The following FES variants were observed in gnomAD, a reference collection of about 807,000 sequenced individuals.
FES encodes FES proto-oncogene, tyrosine kinase.
A neutral mutation model predicts 109.6 loss-of-function variants in FES; 83 were observed. The observed-to-expected ratio is 0.76, with a 90% CI of 0.63 to 0.91. The LOEUF (loss-of-function observed/expected upper bound fraction) is 0.91. Ranked by LOEUF, FES falls within the 40% of genes least tolerant of loss-of-function variation. The pLI is 0.00. For missense variants in FES, 943 were observed against 1,070.9 expected (o/e 0.88, Z 1.67); for synonymous variants, 458 against 442.1 (o/e 1.04, Z -0.45).
At position 90,889,137 on chromosome 15, in the gene FES, A is replaced by G. The variant is rs1411482629; in HGVS notation, c.669-169A>G. On this transcript the variant is annotated intron_variant, in intron 5 of 18. Coordinates refer to ENST00000328850, the MANE Select transcript of FES (RefSeq NM_002005.4). The surrounding 1 kb of genome is among the most constrained non-coding windows in gnomAD (Gnocchi z 6.1). ...GTGTCCCTCTTATATATATCAGGAA[A>G]TAGAAGATTAGGGAGAGGTTAAATA... 4 of 780,988 alleles carry G rather than the reference A, an allele frequency of 5.1e-6. No individual in the cohort carries two copies. In the East Asian group the frequency reaches 8.0e-5, roughly 16 times the overall value. The allele number at this position is 780,988 out of a possible 1,614,324, so 48.4% of individuals were successfully genotyped here. A position where few individuals can be genotyped will look rare whatever the true frequency, so the allele number is the denominator to read the frequency against.
intron 18 of FES, 58 bp downstream of exon 18, chr15:90,894,116 C>T (rs1177994796): frequency 1.0e-5 from 16 of 1,594,620 alleles, no homozygotes; most frequent in East Asian, 6.7e-5. Context: ...ATGCTCCAGC[C>T]GGACTCTTCT....
chr15:90,890,352 T>G (rs898167551), intron 9 of FES, 49 bp from the exon 10 acceptor site: 1 of 1,594,252 alleles, frequency 6.3e-7, no homozygotes, highest in Non-Finnish European at 8.5e-7. Flanking sequence ...ATTTTCGCCC[T>G]CCCCCTCCCT....
intron 10 of FES, 125 bp downstream of exon 10, chr15:90,890,609 A>C: frequency 1.1e-6 from 1 of 893,974 alleles, no homozygotes; most frequent in South Asian, 1.6e-5. Flanking sequence ...CTGGGATTCC[A>C]GGCTGCAGAT....
At position 90,895,551 on chromosome 15, in the gene FES, A is replaced by C. The variant is rs1439306066; in HGVS notation, c.2462A>C (p.His821Pro). ...YQELQSIRKRHR is the reference protein window; with the variant it reads ...YQELQSIRKRPR The stretch of plus-strand genomic sequence containing the variant: ...GAGCTGCAGAGCATCCGAAAGCGGC[A>C]TCGGTGAGGCTGGGACCCCCTTCTC... Residue 821 changes from histidine to proline, a missense_variant, in exon 19 of 19, where the codon CAT becomes CCT. Coordinates refer to ENST00000328850, the MANE Select transcript of FES (RefSeq NM_002005.4). 3 of 1,580,280 alleles carry C rather than the reference A, an allele frequency of 1.9e-6. No homozygotes were observed. Among genetic ancestry groups the C allele is most frequent in the Non-Finnish European group, 2.6e-6 (3 of 1,161,630 alleles).
Position 90,895,585 on chromosome 15 carries a change from G to T in FES, c.*27G>T. The T allele has an allele frequency of 1.3e-6, 2 of 1,516,496 alleles. No homozygotes were observed. The highest frequency in any genetic ancestry group is 1.8e-6 in the Non-Finnish European group (2 of 1,127,060). 93.9% of individuals were successfully genotyped at this position (1,516,496 alleles called of 1,614,324 possible). ...GCTGGGACCCCCTTCTCAAGCTGGTGGCCTCTGCAGGCCTAGGTGCAGCTC... is the reference window on the plus strand; with the variant it reads ...GCTGGGACCCCCTTCTCAAGCTGGTTGCCTCTGCAGGCCTAGGTGCAGCTC... On this transcript the variant is annotated 3_prime_UTR_variant, in exon 19 of 19. Transcript: ENST00000328850.
Position 90,885,277 on chromosome 15 carries a change from C to G in FES, c.213+19C>G, listed in dbSNP as rs758758802. 5.7e-6 allele frequency: 9 copies of G among 1,592,628 alleles called. No individual in the cohort carries two copies. The South Asian group carries it at 7.7e-5, about 14-fold the overall frequency. ...CAGTCAGGTGGGTCTCTATGGGACT[C>G]TGGTGGGTGCTGGCTGTATCTGCCT... is the stretch of plus-strand genomic sequence containing the variant. On this transcript the variant is annotated intron_variant, in intron 2 of 18. Transcript: ENST00000328850.
chr15:90,884,924 C>A, intron 1 of FES, 113 bp from the exon 2 acceptor site: 1 of 869,802 alleles, frequency 1.1e-6, no homozygotes, highest in Non-Finnish European at 1.8e-6. Context: ...CAGGACCCCA[C>A]CTCCTCCCCG....
Position 90,893,203 on chromosome 15 carries a change from G to A in FES, c.1921+9G>A, listed in dbSNP as rs373772282. 3.1e-5 allele frequency: 50 copies of A among 1,613,616 alleles called. No homozygotes were observed. The highest frequency in any genetic ancestry group is 1.2e-4 in the Admixed American group (7 of 59,986). Reference sequence around the variant, plus strand: ...CATGGAGCTTGTGCAGGGTGAGCGCGGGGCGCTGAGCTCCAGGTAGGGCGC... The same window carrying A: ...CATGGAGCTTGTGCAGGGTGAGCGCAGGGCGCTGAGCTCCAGGTAGGGCGC... On this transcript the variant is annotated intron_variant, in intron 15 of 18. Coordinates refer to ENST00000328850, the MANE Select transcript of FES (RefSeq NM_002005.4).
In FES at chr15:90,893,315, G is replaced by A. The variant is rs779752765; in HGVS notation, c.1946G>A (p.Arg649His). 23 of 1,570,346 alleles carry A rather than the reference G, an allele frequency of 1.5e-5. No homozygotes were observed. Among genetic ancestry groups the A allele is most frequent in the South Asian group, 7.3e-5 (6 of 81,978 alleles). Reference sequence around the variant, plus strand: ...GGGGGCGACTTCCTGACCTTCCTCCGCACGGAGGGGGCCCGCCTGCGGGTG... The same window carrying A: ...GGGGGCGACTTCCTGACCTTCCTCCACACGGAGGGGGCCCGCCTGCGGGTG... Reference protein sequence around the residue: ...VQGGDFLTFLRTEGARLRVKT... With the variant: ...VQGGDFLTFLHTEGARLRVKT... The change falls in exon 16 of 19, where the codon CGC becomes CAC. Residue 649 changes from arginine (R) to histidine (H), a missense_variant. Physicochemically the swap from Arg to His is conservative, Grantham distance 29 (BLOSUM62 0). Transcript: ENST00000328850.
Position 90,892,110 on chromosome 15 carries a change from G to T in FES, c.1706G>T (p.Arg569Leu), listed in dbSNP as rs759984840. ...CTGGTGTTGGGTGAGCAGATTGGAC[G>T]GGTGAGTGCGCCTCTGCTGGCCTCC... ...EDLVLGEQIG[R>L]GNFGEVFSGR... Residue 569 changes from arginine (R) to leucine (L), a missense_variant and splice_region_variant, in exon 13 of 19, where the codon CGG (arginine) becomes CTG (leucine). Physicochemically the swap from Arg to Leu is moderately radical, Grantham distance 102 (BLOSUM62 -2). Transcript: ENST00000328850. 3 of 1,614,026 alleles carry T rather than the reference G, an allele frequency of 1.9e-6. No individual in the cohort carries two copies. Among genetic ancestry groups the T allele is most frequent in the Non-Finnish European group, 2.5e-6 (3 of 1,179,968 alleles).
intron 18 of FES, 100 bp downstream of exon 18, chr15:90,894,158 A>T (rs2521501): frequency 0.3 from 410,864 of 1,380,082 alleles, 63,915 homozygotes; most frequent in Non-Finnish European, 0.32. Flanking sequence ...CCCACCAGGC[A>T]GAATAAGAAT....
chr15:90,892,644 A>C lies in FES; in HGVS notation c.1708-63A>C, dbSNP rs992741518. On this transcript the variant is annotated intron_variant, in intron 13 of 18. Transcript: ENST00000328850. Reference sequence around the variant, plus strand: ...CCCAGGGGTAGGAAGCAGAATGGGTAGGAAGCGGAGAAGAGAACTGCGGGA... The same window carrying C: ...CCCAGGGGTAGGAAGCAGAATGGGTCGGAAGCGGAGAAGAGAACTGCGGGA... 2.0e-5 allele frequency: 29 copies of C among 1,483,576 alleles called. 1 individual carries two copies. The highest frequency in any genetic ancestry group is 2.5e-5 in the Non-Finnish European group (27 of 1,087,522). 91.9% of individuals were successfully genotyped at this position (1,483,576 alleles called of 1,614,324 possible).
intron 11 of FES, 119 bp from the exon 12 acceptor site, chr15:90,891,435 G>A (rs919135458): frequency 1.7e-5 from 24 of 1,387,450 alleles, no homozygotes; most frequent in Non-Finnish European, 2.3e-5. Context: ...TTTTCTGGAG[G>A]TCTCTCTGCC....
Position 90,895,307 on chromosome 15 carries a change from C to T in FES, c.2327-109C>T, listed in dbSNP as rs1328904529. The T allele has an allele frequency of 5.1e-6, 5 of 982,834 alleles. No individual in the cohort carries two copies. In the Admixed American group the frequency reaches 8.9e-5, roughly 18 times the overall value. 60.9% of individuals were successfully genotyped at this position (982,834 alleles called of 1,614,324 possible). The stretch of plus-strand genomic sequence containing the variant: ...CCTTGGTGGAGAACAGTGCATCCTT[C>T]AGAACAGTGCATCTTAAGCAGCTCC... On this transcript the variant is annotated intron_variant, in intron 18 of 18. Transcript: ENST00000328850.
intron 10 of FES, 191 bp downstream of exon 10, chr15:90,890,675 G>A (rs1161913585): frequency 3.1e-6 from 2 of 643,976 alleles, no homozygotes; most frequent in Non-Finnish European, 5.3e-6. Context: ...GTGTGCTAAA[G>A]GGACCAGCAA....
rs750298390 is a variant in FES, at chr15:90,889,809, G to A, written c.927-31G>A. The A allele has an allele frequency of 1.4e-5, 23 of 1,612,480 alleles. No individual in the cohort carries two copies. The highest frequency in any genetic ancestry group is 2.2e-5 in the East Asian group (1 of 44,828). On this transcript the variant is annotated intron_variant, in intron 7 of 18. Transcript: ENST00000328850. This position sits in a 1 kb window ranked among gnomAD's most constrained non-coding sequence, Gnocchi z 6.1. ...CTGGGTTGAGGGGGCAGGAGGGCTC[G>A]GTTCTAATGCTGCCCTTCTCTTGGG... is the stretch of plus-strand genomic sequence containing the variant.
chr15:90,885,690 C>G (rs2032536423), intron 3 of FES, 105 bp downstream of exon 3: 1 of 1,474,094 alleles, frequency 6.8e-7, no homozygotes, highest in Admixed American at 2.6e-5. Flanking sequence ...AGTGTAAGTC[C>G]CTGACCGCAG....
At chr15:90,893,485 G>C in intron 16 of FES, 71 bp downstream of exon 16, 1 of 1,503,914 alleles carries the variant, frequency 6.6e-7, no homozygotes, top group Non-Finnish European at 8.8e-7. Flanking sequence ...TACCCCTAGG[G>C]CCCCCCGCTG....
chr15:90,888,753 TTTATTTA>T (rs2151253466), intron 5 of FES, among the ~76,000 whole-genome samples: 1 of 71,920 alleles, frequency 1.4e-5, no homozygotes, highest in South Asian at 3.4e-4. Context: ...AGTTCATTTA[TTTATTTA>T]TTTATTTATT....
Sources: gnomAD v4.1 joint callset for allele counts (sites outside exome capture counted in the v4.1 genomes callset) on GRCh38, gnomAD v4.1.1 for gene constraint, Gnocchi (gnomAD v3.1) non-coding constraint, MANE v1.5 for transcripts, NCBI Gene and HGNC (gene_info 2026-07-23, HGNC 2026-07-21) for gene names.